Variants in ANK3 observed in about 807,000 individuals in gnomAD.
The protein encoded by ANK3 is ankyrin 3.
A neutral mutation model predicts 370.9 loss-of-function variants in ANK3; 57 were observed. The ratio of observed to expected loss-of-function variants is 0.15; its 90% CI spans 0.12 to 0.19. The LOEUF is 0.19. Ranked by LOEUF, ANK3 falls within the 10% of genes least tolerant of loss-of-function variation. The pLI is 1.00. For missense variants in ANK3, 4,439 were observed against 5,302.1 expected (o/e 0.84, Z 5.06); for synonymous variants, 1,929 against 1,946.3 (o/e 0.99, Z 0.23).
At chr10:60,154,831 C>A (rs2095277224) in intron 23 of ANK3, among the ~76,000 whole-genome samples, 1 of 152,174 alleles carries the variant, frequency 6.6e-6, no homozygotes, top group Middle Eastern at 3.4e-3. Context: ...TCTGTTTATT[C>A]TTTCCTAACG....
chr10:60,032,923 G>A (rs1475246754), intron 43 of ANK3, among the ~76,000 whole-genome samples: 1 of 152,184 alleles, frequency 6.6e-6, no homozygotes, highest in African/African-American at 2.4e-5. Context: ...CTGTGTACTT[G>A]CTATAAAAAT....
chr10:60,619,795 T>G (rs888613244), intron 1 of ANK3, among the ~76,000 whole-genome samples: 6 of 152,238 alleles, frequency 3.9e-5, no homozygotes, highest in African/African-American at 1.4e-4. Context: ...AAGTTCCTCC[T>G]GTTTGCCGAA....
chr10:60,229,633 TC>T (rs1231046652), intron 8 of ANK3, among the ~76,000 whole-genome samples: 3 of 152,190 alleles, frequency 2.0e-5, no homozygotes, highest in Admixed American at 1.3e-4. Flanking sequence ...TGAAAACACT[TC>T]ATCTACCTGA....
intron 28 of ANK3, among the ~76,000 whole-genome samples, chr10:60,092,291 C>G (rs1175440423): frequency 6.6e-6 from 1 of 152,194 alleles, no homozygotes; most frequent in Non-Finnish European, 1.5e-5. Flanking sequence ...CCGATACATA[C>G]TGCACAGGTC....
intron 2 of ANK3, among the ~76,000 whole-genome samples, chr10:60,561,842 C>G (rs1373701981): frequency 6.6e-6 from 1 of 152,174 alleles, no homozygotes; most frequent in Non-Finnish European, 1.5e-5. Context: ...TCATATCAGC[C>G]AGACCTTCCC....
intron 21 of ANK3, among the ~76,000 whole-genome samples, chr10:60,168,067 C>T (rs2095671437): frequency 6.6e-6 from 1 of 152,140 alleles, no homozygotes; most frequent in South Asian, 2.1e-4. Context: ...GCTCTGTTTC[C>T]CAGGCTGGAG....
rs1361088062 is a variant in ANK3 at position 60,027,175 on chromosome 10, T to C, written c.*2671A>G. On this transcript the variant is annotated 3_prime_UTR_variant, in exon 44 of 44. Transcript: ENST00000280772. ...AGGTATACATCATTGAGTTTCTGGT[T>C]CAGGATAAACACCTTCTCTCAAAGA... The C allele has an allele frequency of 6.6e-6, 1 of 152,062 alleles. No homozygotes were observed. The highest frequency in any genetic ancestry group is 1.9e-4 in the East Asian group (1 of 5,190). 9.4% of individuals were successfully genotyped at this position (152,062 alleles called of 1,614,324 possible). A position where few individuals can be genotyped will look rare whatever the true frequency, so the allele number is the denominator to read the frequency against.
At chr10:60,053,791 G>T in intron 42 of ANK3, 2 of 1,266,074 alleles carry the variant, frequency 1.6e-6, no homozygotes, top group South Asian at 2.5e-5. Context: ...GACCTAGTTG[G>T]TTGCTATTAT....
chr10:60,667,231 A>T (rs201868036), intron 1 of ANK3, among the ~76,000 whole-genome samples: 50,048 of 137,418 alleles, frequency 0.36, 8,806 homozygotes, highest in African/African-American at 0.44. Flanking sequence ...ATTATATTGA[A>T]TTGAAGAAAA....
intron 25 of ANK3, among the ~76,000 whole-genome samples, chr10:60,117,715 G>A (rs2093198131): frequency 6.6e-6 from 1 of 152,158 alleles, no homozygotes; most frequent in Non-Finnish European, 1.5e-5. Context: ...TTGGGAGGCT[G>A]AGGCAGGAGA....
At chr10:60,143,969 A>AAG (rs943883416) in intron 23 of ANK3, among the ~76,000 whole-genome samples, 16 of 151,334 alleles carry the variant, frequency 1.1e-4, no homozygotes, top group African/African-American at 3.2e-4. Flanking sequence ...AAGAGAGTCA[A>AAG]AGAGAGAGAG....
At chr10:60,498,093 C>T (rs1051249874) in intron 2 of ANK3, among the ~76,000 whole-genome samples, 1 of 152,112 alleles carries the variant, frequency 6.6e-6, no homozygotes, top group South Asian at 2.1e-4. Context: ...TTCTAAAAGC[C>T]TTCCTTCCCA....
At chr10:60,493,463 G>C (rs892660884) in intron 2 of ANK3, among the ~76,000 whole-genome samples, 4 of 152,114 alleles carry the variant, frequency 2.6e-5, no homozygotes, top group African/African-American at 9.7e-5. Context: ...AGAAGCAACA[G>C]AATTTGGTTC....
At chr10:60,196,042 G>A in intron 16 of ANK3, 103 bp downstream of exon 16, 1 of 961,456 alleles carries the variant, frequency 1.0e-6, no homozygotes, top group Non-Finnish European at 1.6e-6. Context: ...TTTTAGTGGT[G>A]CCTAAACTAG....
chr10:60,451,959 G>A (rs1015055742), intron 2 of ANK3, among the ~76,000 whole-genome samples: 6 of 152,254 alleles, frequency 3.9e-5, no homozygotes, highest in Admixed American at 2.6e-4. Flanking sequence ...TCTAGAAACA[G>A]AGTGGAGTCT....
intron 38 of ANK3, among the ~76,000 whole-genome samples, chr10:60,065,575 A>G (rs2081475051): frequency 6.6e-6 from 1 of 152,226 alleles, no homozygotes; most frequent in Admixed American, 6.5e-5. Context: ...AATGATTTAT[A>G]TACATGAATG....
At chr10:60,672,325 C>T (rs1382805224) in intron 1 of ANK3, among the ~76,000 whole-genome samples, 1 of 152,084 alleles carries the variant, frequency 6.6e-6, no homozygotes, top group East Asian at 1.9e-4. Context: ...CTTAGAGGGC[C>T]ACTAAATGGG....
chr10:60,394,104 A>G (rs2063167034), upstream of ANK3, among the ~76,000 whole-genome samples: 1 of 150,368 alleles, frequency 6.7e-6, no homozygotes, highest in Non-Finnish European at 1.5e-5. Context: ...GAGATAGTCA[A>G]AATATTTCTT....
In ANK3 at chr10:60,081,384, C is replaced by T. The variant is rs977650825; in HGVS notation, c.4350+766G>A. 3.1e-5 allele frequency: 9 copies of T among 290,370 alleles called. 2 individuals carry two copies. Among genetic ancestry groups the T allele is most frequent in the South Asian group, 2.3e-4 (7 of 31,104 alleles). The allele number at this position is 290,370 out of a possible 1,614,324, so 18.0% of individuals were successfully genotyped here. ...GTGCTAGGATTACAGGCGTGAGCCA[C>T]CACGCCTGGCCAGAGGTACTATTAC... On this transcript the variant is annotated intron_variant, in intron 35 of 43. Transcript: ENST00000280772.
Sources: allele counts gnomAD v4.1 joint callset (sites outside exome capture counted in the v4.1 genomes callset), GRCh38; gene constraint gnomAD v4.1.1; transcripts MANE v1.5; gene names NCBI Gene and HGNC (gene_info 2026-07-23, HGNC 2026-07-21).